The following TTC29 variants were observed in gnomAD, a reference collection of about 807,000 sequenced individuals.
TTC29 encodes the protein tetratricopeptide repeat domain 29.
Under a neutral mutation model 58.1 loss-of-function variants are expected in TTC29, and 49 were observed. That is an observed-to-expected ratio of 0.84 (90% confidence interval 0.67 to 1.07). TTC29 has a LOEUF of 1.07. Ranked by LOEUF, TTC29 falls within the 50% of genes least tolerant of loss-of-function variation. The pLI is 0.00. For missense variants in TTC29, 582 were observed against 555.6 expected, an observed-to-expected ratio of 1.05 and a Z score of -0.48; for synonymous variants, 209 against 196.8, an observed-to-expected ratio of 1.06 and a Z score of -0.52.
chr4:146,765,510 A>G (rs1243985539), intron 11 of TTC29, among the ~76,000 whole-genome samples: 2 of 152,118 alleles, frequency 1.3e-5, no homozygotes, highest in Non-Finnish European at 2.9e-5. Context: ...CCCACGATTT[A>G]ATTTCTAATG....
At chr4:146,754,363 C>T (rs1439604298) in intron 11 of TTC29, among the ~76,000 whole-genome samples, 1 of 151,862 alleles carries the variant, frequency 6.6e-6, no homozygotes, top group African/African-American at 2.4e-5. Flanking sequence ...GATAAATTCT[C>T]GCAAACATAC....
At chr4:146,829,808 G>C (rs1167729165) in intron 9 of TTC29, among the ~76,000 whole-genome samples, 1 of 152,108 alleles carries the variant, frequency 6.6e-6, no homozygotes, top group Non-Finnish European at 1.5e-5. Context: ...AATTGGTATG[G>C]AATAAACCCA....
At chr4:146,783,617 C>A (rs959969430) in intron 11 of TTC29, among the ~76,000 whole-genome samples, 5 of 152,016 alleles carry the variant, frequency 3.3e-5, no homozygotes, top group African/African-American at 1.2e-4. Flanking sequence ...AATGTGCATT[C>A]ATAGAAGAAG....
chr4:146,871,918 G>A (rs1403418949), intron 7 of TTC29, among the ~76,000 whole-genome samples: 1 of 151,892 alleles, frequency 6.6e-6, no homozygotes, highest in Admixed American at 6.6e-5. Flanking sequence ...AATTCACATG[G>A]AAATGCAAGT....
intron 2 of TTC29, among the ~76,000 whole-genome samples, chr4:146,943,810 T>C (rs1263112407): frequency 6.6e-6 from 1 of 152,220 alleles, no homozygotes; most frequent in Non-Finnish European, 1.5e-5. Context: ...GAAAGCCTTT[T>C]GGTCTTTGTT....
At chr4:146,753,475 A>G (rs949939476) in intron 11 of TTC29, among the ~76,000 whole-genome samples, 1 of 152,220 alleles carries the variant, frequency 6.6e-6, no homozygotes, top group Non-Finnish European at 1.5e-5. Context: ...TAGTTCAACC[A>G]TTGTGGAATT....
chr4:146,718,122 C>T lies in TTC29; in HGVS notation c.1331-10571G>A, dbSNP rs114652841. Among the ~76,000 whole-genome samples the T allele has an allele frequency of 3.0e-3, 459 of 152,198 alleles. 1 individual carries two copies. Among genetic ancestry groups the T allele is most frequent in the Non-Finnish European group, 4.8e-3 (326 of 68,004 alleles). The stretch of plus-strand genomic sequence containing the variant: ...TATATATATATCACATTTTCTTTAT[C>T]CATTCATTGGTTTATGGACACTTCC... On this transcript the variant is annotated intron_variant, in intron 11 of 12. Transcript: ENST00000325106.
chr4:146,931,086 T>A (rs1197429644), intron 4 of TTC29, among the ~76,000 whole-genome samples: 1 of 152,082 alleles, frequency 6.6e-6, no homozygotes, highest in East Asian at 1.9e-4. Context: ...CTCACAGCTG[T>A]AATGCCAGCA....
chr4:146,903,966 T>A (rs968329307), intron 5 of TTC29, among the ~76,000 whole-genome samples: 3 of 152,188 alleles, frequency 2.0e-5, no homozygotes, highest in Non-Finnish European at 1.5e-5. Context: ...TTAGAACATG[T>A]AGGAAATTGA....
At chr4:146,906,039 A>G (rs867964979) in intron 5 of TTC29, among the ~76,000 whole-genome samples, 47 of 152,256 alleles carry the variant, frequency 3.1e-4, no homozygotes, top group African/African-American at 8.4e-4. Context: ...ATAATGTTTG[A>G]ATTATCTATT....
intron 8 of TTC29, among the ~76,000 whole-genome samples, chr4:146,859,281 A>G (rs2150196347): frequency 6.6e-6 from 1 of 152,262 alleles, no homozygotes. Flanking sequence ...AATGACACAG[A>G]AAGGACCCAA....
At chr4:146,800,579 G>A (rs1454508952) in intron 11 of TTC29, among the ~76,000 whole-genome samples, 1 of 152,160 alleles carries the variant, frequency 6.6e-6, no homozygotes, top group Non-Finnish European at 1.5e-5. Flanking sequence ...TGTTGGGTGA[G>A]TGTCATCCTT....
At chr4:146,803,766 T>C (rs1750407435) in intron 10 of TTC29, 81 bp from the exon 11 acceptor site, 1 of 1,127,552 alleles carries the variant, frequency 8.9e-7, no homozygotes, top group Admixed American at 2.6e-5. Flanking sequence ...CCCTGGCATG[T>C]CCCACACTGA....
chr4:146,832,606 G>C (rs1414208842), intron 9 of TTC29, among the ~76,000 whole-genome samples: 1 of 151,860 alleles, frequency 6.6e-6, no homozygotes, highest in Non-Finnish European at 1.5e-5. Flanking sequence ...CGAGTAGCTG[G>C]GATTACAGGA....
rs537884675 is a variant in TTC29 at position 146,735,280 on chromosome 4, A to G, written c.1331-27729T>C. On this transcript the variant is annotated intron_variant, in intron 11 of 12. Coordinates refer to ENST00000325106, the MANE Select transcript of TTC29 (RefSeq NM_031956.4). ...CGTGGGGGAAGGGAGAAACCAAGGA[A>G]CTCTTCAAACCAGAGGGTACAGTAT... Among the ~76,000 whole-genome samples the G allele has an allele frequency of 2.0e-5, 3 of 152,166 alleles. No individual in the cohort carries two copies. The South Asian group carries it at 6.2e-4, about 32-fold the overall frequency.
chr4:146,791,129 A>T (rs552699432), intron 11 of TTC29, among the ~76,000 whole-genome samples: 1 of 151,560 alleles, frequency 6.6e-6, no homozygotes, highest in Non-Finnish European at 1.5e-5. Flanking sequence ...GTGAATATAG[A>T]TTGTTCCATT....
chr4:146,780,502 G>A (rs1488783880), intron 11 of TTC29, among the ~76,000 whole-genome samples: 2 of 151,962 alleles, frequency 1.3e-5, no homozygotes, highest in Admixed American at 1.3e-4. Flanking sequence ...GGGATCATGT[G>A]TCCTGTTTGG....
intron 6 of TTC29, among the ~76,000 whole-genome samples, chr4:146,875,569 T>G (rs999792061): frequency 2.6e-5 from 4 of 152,198 alleles, no homozygotes; most frequent in Middle Eastern, 3.4e-3. Flanking sequence ...ACTGCAGCCT[T>G]GAACTCCTGA....
intron 6 of TTC29, among the ~76,000 whole-genome samples, chr4:146,880,659 C>T (rs1489296428): frequency 1.3e-5 from 2 of 151,956 alleles, no homozygotes; most frequent in African/African-American, 4.8e-5. Flanking sequence ...ATGATCTCTC[C>T]CATTTTAGCT....
Sources: gnomAD v4.1 joint callset for allele counts (sites outside exome capture counted in the v4.1 genomes callset) on GRCh38, gnomAD v4.1.1 for gene constraint, MANE v1.5 for transcripts, NCBI Gene and HGNC (gene_info 2026-07-23, HGNC 2026-07-21) for gene names.